EPHA6: variants seen among roughly 807,000 people sequenced by gnomAD.
EPHA6 encodes ephrin type-A receptor 6.
A neutral mutation model predicts 112.0 loss-of-function variants in EPHA6; 50 were observed. That is an observed-to-expected ratio of 0.45 (90% CI 0.36 to 0.56). The LOEUF (loss-of-function observed/expected upper bound fraction) is 0.56, where lower values mean the gene tolerates loss of function less well. Among genes scored for constraint, EPHA6 ranks in the 20% least tolerant of loss-of-function variants. The pLI, the probability that EPHA6 is intolerant of heterozygous loss-of-function variation, is 0.00. For missense variants in EPHA6, 1,280 were observed against 1,417.4 expected (o/e 0.90, Z 1.56); for synonymous variants, 529 against 490.7 (o/e 1.08, Z -1.03).
chr3:97,249,365 G>A (rs2079070046), intron 5 of EPHA6, among the ~76,000 whole-genome samples: 1 of 152,156 alleles, frequency 6.6e-6, no homozygotes, highest in Admixed American at 6.5e-5. Context: ...AGTAATGATT[G>A]CATAATGATT....
intron 3 of EPHA6, among the ~76,000 whole-genome samples, chr3:97,188,560 A>G (rs2077217320): frequency 6.6e-6 from 1 of 152,008 alleles, no homozygotes; most frequent in African/African-American, 2.4e-5. Flanking sequence ...TTAGAAAGAA[A>G]TAAATACAGC....
At chr3:97,547,288 G>A (rs1041384743) in intron 11 of EPHA6, among the ~76,000 whole-genome samples, 10 of 152,214 alleles carry the variant, frequency 6.6e-5, no homozygotes, top group African/African-American at 7.2e-5. Context: ...CTAACAGAGA[G>A]GACCCTTAGA....
chr3:97,689,780 C>T (rs1576293481), intron 14 of EPHA6, among the ~76,000 whole-genome samples: 1 of 152,062 alleles, frequency 6.6e-6, no homozygotes, highest in Admixed American at 6.6e-5. Flanking sequence ...AAATCTCATA[C>T]CCATTAGCAG....
intron 3 of EPHA6, among the ~76,000 whole-genome samples, chr3:97,168,423 G>T (rs1576606905): frequency 6.6e-6 from 1 of 152,068 alleles, no homozygotes; most frequent in Non-Finnish European, 1.5e-5. Context: ...TCCCCCTAGT[G>T]CTGTCTCATG....
chr3:97,577,053 G>A (rs1009445455), intron 11 of EPHA6, among the ~76,000 whole-genome samples: 5 of 152,114 alleles, frequency 3.3e-5, no homozygotes, highest in African/African-American at 2.4e-5. Flanking sequence ...ATCTCACTGT[G>A]TCTCCCAGGC....
intron 5 of EPHA6, among the ~76,000 whole-genome samples, chr3:97,370,352 G>A (rs1413341432): frequency 6.6e-6 from 1 of 152,120 alleles, no homozygotes; most frequent in Non-Finnish European, 1.5e-5. Flanking sequence ...AATAAGGAAA[G>A]TCCTTGACCA....
intron 4 of EPHA6, among the ~76,000 whole-genome samples, chr3:97,242,713 C>G (rs1265407157): frequency 6.6e-6 from 1 of 151,784 alleles, no homozygotes; most frequent in African/African-American, 2.4e-5. Flanking sequence ...TATATCAAAA[C>G]TTGAATTTAT....
chr3:97,417,143 T>C (rs1311355869), intron 6 of EPHA6, among the ~76,000 whole-genome samples: 1 of 152,196 alleles, frequency 6.6e-6, no homozygotes, highest in African/African-American at 2.4e-5. Context: ...ACTCCTGATA[T>C]GTCTTTCATT....
chr3:97,026,988 T>G (rs2044661962), intron 3 of EPHA6, among the ~76,000 whole-genome samples: 1 of 152,128 alleles, frequency 6.6e-6, no homozygotes, highest in Non-Finnish European at 1.5e-5. Flanking sequence ...CACATGAATG[T>G]GTATGTTCAT....
At chr3:96,843,713 C>A (rs1219278079) in intron 1 of EPHA6, among the ~76,000 whole-genome samples, 2 of 151,784 alleles carry the variant, frequency 1.3e-5, no homozygotes, top group Admixed American at 1.3e-4. Flanking sequence ...TGGCAGCCAG[C>A]CAAAAATGAG....
At chr3:97,447,581 T>G (rs1251629640) in intron 6 of EPHA6, 3 of 165,762 alleles carry the variant, frequency 1.8e-5, no homozygotes, top group African/African-American at 7.2e-5. Context: ...AATAACACCA[T>G]ACAAAAACAG....
intron 13 of EPHA6, among the ~76,000 whole-genome samples, chr3:97,630,869 T>C (rs2093897063): frequency 6.6e-6 from 1 of 152,020 alleles, no homozygotes; most frequent in South Asian, 2.1e-4. Flanking sequence ...ACTTTTATTG[T>C]GACAAATCAC....
At chr3:97,593,719 C>T (rs537357969) in intron 12 of EPHA6, among the ~76,000 whole-genome samples, 3 of 152,244 alleles carry the variant, frequency 2.0e-5, no homozygotes, top group African/African-American at 7.2e-5. Flanking sequence ...CTATTCTACA[C>T]TGATATTTTT....
intron 2 of EPHA6, among the ~76,000 whole-genome samples, chr3:96,884,875 T>C (rs1187685358): frequency 2.6e-5 from 4 of 152,190 alleles, no homozygotes; most frequent in Non-Finnish European, 5.9e-5. Context: ...ATAGATGGCT[T>C]TTATTATGTT....
chr3:96,954,809 C>T lies in EPHA6; in HGVS notation c.451-32521C>T, dbSNP rs199952083. 0.01 allele frequency among the ~76,000 whole-genome samples: 891 copies of T among 87,104 alleles called. 44 individuals carry two copies. In the East Asian group the frequency reaches 0.16, roughly 16 times the overall value. 57.1% of individuals were successfully genotyped at this position (87,104 alleles called of 152,430 possible). On this transcript the variant is annotated intron_variant, in intron 2 of 17. Coordinates refer to ENST00000389672, the MANE Select transcript of EPHA6 (RefSeq NM_001080448.3). The stretch of plus-strand genomic sequence containing the variant: ...TTTTTTTTTTTTTTTTTTTTTGAGA[C>T]GGAGTCTCGCTCTGTCGCCCAGGCC...
At chr3:97,298,825 T>C (rs1003555527) in intron 5 of EPHA6, among the ~76,000 whole-genome samples, 6 of 152,032 alleles carry the variant, frequency 3.9e-5, no homozygotes, top group Non-Finnish European at 8.8e-5. Flanking sequence ...TAAATAAAAG[T>C]GTAACCACTG....
chr3:96,861,149 G>A (rs1365359026), intron 1 of EPHA6, among the ~76,000 whole-genome samples: 1 of 152,008 alleles, frequency 6.6e-6, no homozygotes, highest in Non-Finnish European at 1.5e-5. Flanking sequence ...TGTCAGTCAG[G>A]ATAAGGATCT....
intron 11 of EPHA6, among the ~76,000 whole-genome samples, chr3:97,548,188 G>A (rs1001363969): frequency 1.1e-4 from 17 of 152,230 alleles, no homozygotes; most frequent in East Asian, 5.8e-4. Context: ...GGAGCTGTTC[G>A]TATTCGGCCA....
In EPHA6 at chr3:97,686,231, T is replaced by A. The variant is rs1415020741; in HGVS notation, c.2785-34030T>A. ...TAATACTAACTGGAGTTAGGAATTA[T>A]CTGGAGATTAAAGGGTCAGCTATTG... On this transcript the variant is annotated intron_variant, in intron 14 of 17. Transcript: ENST00000389672. Among the ~76,000 whole-genome samples the A allele has an allele frequency of 1.3e-5, 2 of 152,202 alleles. 1 individual carries two copies. Among genetic ancestry groups the A allele is most frequent in the Admixed American group, 1.3e-4 (2 of 15,274 alleles).
Sources: allele counts gnomAD v4.1 joint callset (sites outside exome capture counted in the v4.1 genomes callset), GRCh38; gene constraint gnomAD v4.1.1; transcripts MANE v1.5; gene names NCBI Gene and HGNC (gene_info 2026-07-23, HGNC 2026-07-21).